SLC20A2: variants seen among roughly 807,000 people sequenced by gnomAD.
SLC20A2 encodes sodium-dependent phosphate transporter 2.
A neutral mutation model predicts 61.0 loss-of-function variants in SLC20A2; 30 were observed. The observed-to-expected ratio is 0.49, with a 90% CI of 0.37 to 0.67. The LOEUF (loss-of-function observed/expected upper bound fraction) is 0.67, where lower values mean the gene tolerates loss of function less well. Among genes scored for constraint, SLC20A2 ranks in the 30% least tolerant of loss-of-function variants. The probability of loss-of-function intolerance (pLI) is 0.00; values close to 1 mark genes in which losing one functional copy is unlikely to be tolerated. For synonymous variants in SLC20A2, 351 were observed against 353.3 expected (o/e 0.99, Z 0.07); for missense variants, 626 against 866.4 (o/e 0.72, Z 3.48).
intron 7 of SLC20A2, among the ~76,000 whole-genome samples, chr8:42,438,017 T>G (rs1479711261): frequency 1.4e-5 from 2 of 138,106 alleles, no homozygotes; most frequent in African/African-American, 5.4e-5. Context: ...CTTTTCTAAG[T>G]TGGCCATAAA....
In SLC20A2 at chr8:42,454,277, C is replaced by T. The variant is rs1345842813; in HGVS notation, c.613+5619G>A. Among the ~76,000 whole-genome samples the T allele has an allele frequency of 3.3e-5, 5 of 152,202 alleles. No homozygotes were observed. In the East Asian group the frequency reaches 9.6e-4, roughly 29 times the overall value. On this transcript the variant is annotated intron_variant, in intron 5 of 10. Coordinates refer to ENST00000520262, the MANE Select transcript of SLC20A2 (RefSeq NM_001257180.2). ...TCGGCCTCCCGAAGTGCTGAGATTA[C>T]AGGCGTGAGCCACCGCGCCCGGCCG...
chr8:42,429,686 G>C (rs181875033), intron 9 of SLC20A2, among the ~76,000 whole-genome samples: 1 of 152,184 alleles, frequency 6.6e-6, no homozygotes, highest in Admixed American at 6.5e-5. Flanking sequence ...GAGAGCTGGG[G>C]TGGCCAGAGA....
At chr8:42,488,912 T>C (rs1334542950) in intron 1 of SLC20A2, among the ~76,000 whole-genome samples, 1 of 151,972 alleles carries the variant, frequency 6.6e-6, no homozygotes, top group Non-Finnish European at 1.5e-5. Context: ...GTTTGCTTTT[T>C]GTTTTTGAGT....
intron 8 of SLC20A2, among the ~76,000 whole-genome samples, chr8:42,434,617 A>T (rs1586014644): frequency 6.6e-6 from 1 of 152,142 alleles, no homozygotes; most frequent in Non-Finnish European, 1.5e-5. Flanking sequence ...GCTCAGAGGG[A>T]TGTTAGAGAC....
chr8:42,510,355 C>CTTAT (rs1182421173), intron 1 of SLC20A2, among the ~76,000 whole-genome samples: 1 of 152,256 alleles, frequency 6.6e-6, no homozygotes, highest in South Asian at 2.1e-4. Context: ...CAAACAAAGG[C>CTTAT]TTATTGTCAA....
intron 1 of SLC20A2, among the ~76,000 whole-genome samples, chr8:42,474,622 T>C (rs571337196): frequency 2.0e-5 from 3 of 152,162 alleles, no homozygotes; most frequent in Non-Finnish European, 4.4e-5. Flanking sequence ...AACAAATTAT[T>C]GATAAAATCT....
intron 1 of SLC20A2, among the ~76,000 whole-genome samples, chr8:42,514,611 AC>A (rs1043552203): frequency 2.6e-5 from 4 of 151,706 alleles, no homozygotes; most frequent in African/African-American, 9.7e-5. Flanking sequence ...TACAAAAACT[AC>A]CCGGACATGG....
intron 4 of SLC20A2, among the ~76,000 whole-genome samples, chr8:42,461,369 G>C (rs1245996361): frequency 6.6e-6 from 1 of 152,126 alleles, no homozygotes; most frequent in Non-Finnish European, 1.5e-5. Flanking sequence ...CATTGCTAAA[G>C]AGAGATTCCC....
chr8:42,507,461 C>G (rs1216350464), intron 1 of SLC20A2, among the ~76,000 whole-genome samples: 1 of 151,690 alleles, frequency 6.6e-6, no homozygotes, highest in Non-Finnish European at 1.5e-5. Flanking sequence ...AATTTTATGA[C>G]AGTTTTTATC....
intron 3 of SLC20A2, among the ~76,000 whole-genome samples, chr8:42,464,090 ATCTTTT>A (rs1208260533): frequency 4.0e-4 from 8 of 20,024 alleles, no homozygotes; most frequent in African/African-American, 7.7e-4. Flanking sequence ...AGGCTGGATG[ATCTTTT>A]TTTTTTTTTT....
chr8:42,474,901 C>G (rs555129425), intron 1 of SLC20A2, among the ~76,000 whole-genome samples: 1 of 132,578 alleles, frequency 7.5e-6, no homozygotes, highest in East Asian at 2.4e-4. Context: ...AGACCTCAGA[C>G]GGCCAGAGTC....
At position 42,437,093 on chromosome 8, in the gene SLC20A2, C is replaced by T. The variant is rs1416223507; in HGVS notation, c.1419G>A (p.Glu473=). ...CGGGTGCGTCCTTCTCCTCCTTCTC[C>T]TCCTCTGCAGGGTCCTCTCGCGGCT... ...PDQPREDPAE[E]EKEEKDAPEV... Residue 473 remains glutamate (E), a synonymous_variant, in exon 8 of 11, where the codon GAG becomes GAA. Coordinates refer to ENST00000520262, the MANE Select transcript of SLC20A2 (RefSeq NM_001257180.2). This position sits in a 1 kb window ranked among gnomAD's most constrained non-coding sequence, Gnocchi z 6.4. 1 of 1,614,142 alleles carries T rather than the reference C, an allele frequency of 6.2e-7. No individual in the cohort carries two copies. Among genetic ancestry groups the T allele is most frequent in the South Asian group, 1.1e-5 (1 of 91,084 alleles).
chr8:42,463,312 T>C (rs1806857436), intron 3 of SLC20A2: 1 of 383,198 alleles, frequency 2.6e-6, no homozygotes, highest in East Asian at 4.5e-5. Flanking sequence ...CACACACCAC[T>C]GACCACACTG....
chr8:42,504,122 G>A (rs1810489105), upstream of SLC20A2, among the ~76,000 whole-genome samples: 1 of 151,864 alleles, frequency 6.6e-6, no homozygotes, highest in Admixed American at 6.6e-5. Flanking sequence ...AAATTTTTTT[G>A]TAGAGAGGAG....
rs554456566 is a variant in SLC20A2, at chr8:42,497,158, G to A, written c.-265+3873C>T. ...CAAAAGGAAATCCAGAGCAAAGTCAGGGCTGGAAGGGACTTTGAGAGGTCA... is the reference window on the plus strand; with the variant it reads ...CAAAAGGAAATCCAGAGCAAAGTCAAGGCTGGAAGGGACTTTGAGAGGTCA... On this transcript the variant is annotated intron_variant, in intron 1 of 10. Transcript: ENST00000520262. Among the ~76,000 whole-genome samples the A allele has an allele frequency of 2.6e-5, 4 of 152,300 alleles. No homozygotes were observed. In the South Asian group the frequency reaches 8.3e-4, roughly 32 times the overall value.
At chr8:42,533,847 C>A (rs990896276) in intron 1 of SLC20A2, among the ~76,000 whole-genome samples, 1 of 150,594 alleles carries the variant, frequency 6.6e-6, no homozygotes, top group Admixed American at 6.6e-5. Flanking sequence ...CTAGTGGAGA[C>A]GGGGGTTTCA....
intron 5 of SLC20A2, 133 bp downstream of exon 5, chr8:42,459,763 C>T: frequency 1.6e-6 from 1 of 615,422 alleles, no homozygotes; most frequent in South Asian, 2.0e-5. Flanking sequence ...CAGCCAACAA[C>T]TCCAGCACCT....
In SLC20A2 at chr8:42,494,242, T is replaced by C. The variant is rs117988477; in HGVS notation, c.-265+6789A>G. Among the ~76,000 whole-genome samples the C allele has an allele frequency of 5.9e-3, 899 of 152,288 alleles. 7 individuals are homozygous for C. The highest frequency in any genetic ancestry group is 8.7e-3 in the Non-Finnish European group (592 of 68,004). On this transcript the variant is annotated intron_variant, in intron 1 of 10. Coordinates refer to ENST00000520262, the MANE Select transcript of SLC20A2 (RefSeq NM_001257180.2). ...CTGGCCCAGTACTGCAAAATAACCA[T>C]AATTAACATATTGGTGTACTAGCTT... is the stretch of plus-strand genomic sequence containing the variant.
chr8:42,439,187 C>T (rs922700167), intron 7 of SLC20A2, among the ~76,000 whole-genome samples: 3 of 152,238 alleles, frequency 2.0e-5, no homozygotes, highest in African/African-American at 7.2e-5. Flanking sequence ...GGGTGCAGCA[C>T]AGACATACAG....
Sources: gnomAD v4.1 joint callset for allele counts (sites outside exome capture counted in the v4.1 genomes callset) on GRCh38, gnomAD v4.1.1 for gene constraint, Gnocchi (gnomAD v3.1) non-coding constraint, MANE v1.5 for transcripts, NCBI Gene and HGNC (gene_info 2026-07-23, HGNC 2026-07-21) for gene names.